The following SHANK2 variants were observed in gnomAD, a reference collection of about 807,000 sequenced individuals.
The protein encoded by SHANK2 is SH3 and multiple ankyrin repeat domains 2, also known as SH3 and multiple ankyrin repeat domains protein 2.
SHANK2 carries 43 observed loss-of-function variants against 133.7 expected under a neutral mutation model. The ratio of observed to expected loss-of-function variants is 0.32; its 90% CI spans 0.25 to 0.41. The LOEUF (loss-of-function observed/expected upper bound fraction) is 0.41. Ranked by LOEUF, SHANK2 falls within the 10% of genes least tolerant of loss-of-function variation. The probability of loss-of-function intolerance (pLI) is 1.00; values close to 1 mark genes in which losing one functional copy is unlikely to be tolerated. For synonymous variants in SHANK2, 1,017 were observed against 952.8 expected (o/e 1.07, Z -1.24); for missense variants, 1,994 against 2,235.8 (o/e 0.89, Z 2.18).
intron 17 of SHANK2, among the ~76,000 whole-genome samples, chr11:70,584,530 G>A (rs540860080): frequency 9.9e-5 from 15 of 152,226 alleles, no homozygotes; most frequent in African/African-American, 3.6e-4. Flanking sequence ...ATCACCCCAG[G>A]GCTGGGTACC....
At chr11:71,085,001 G>T (rs1951359189) in intron 8 of SHANK2, among the ~76,000 whole-genome samples, 1 of 152,016 alleles carries the variant, frequency 6.6e-6, no homozygotes, top group Non-Finnish European at 1.5e-5. Context: ...TCTGTCATGT[G>T]CCTGGGTTTG....
rs576676415 is a variant in SHANK2, at chr11:70,751,226, C to G, written c.1777+47217G>C. ...AGCTCAAAAAATCCATTCCCAGACA[C>G]GTCCAAATCAAATTGCTGAAGACTA... On this transcript the variant is annotated intron_variant, in intron 14 of 25. Coordinates refer to ENST00000601538, the MANE Select transcript of SHANK2 (RefSeq NM_012309.5). Among the ~76,000 whole-genome samples the G allele has an allele frequency of 9.8e-4, 149 of 152,240 alleles. 1 individual carries two copies. The highest frequency in any genetic ancestry group is 5.4e-4 in the Non-Finnish European group (37 of 68,018).
intron 10 of SHANK2, chr11:70,910,911 TGTGC>T: frequency 2.2e-6 from 1 of 450,192 alleles, no homozygotes; most frequent in African/African-American, 2.0e-5. Context: ...TGTGTGTGTG[TGTGC>T]GCGTGCATGT....
intron 14 of SHANK2, among the ~76,000 whole-genome samples, chr11:70,710,396 A>T (rs1945757785): frequency 6.6e-6 from 1 of 152,186 alleles, no homozygotes; most frequent in Non-Finnish European, 1.5e-5. Context: ...ATGGGGTAGG[A>T]GGGAAGCTTA....
intron 22 of SHANK2, among the ~76,000 whole-genome samples, chr11:70,491,444 T>C (rs2058885826): frequency 6.6e-6 from 1 of 152,190 alleles, no homozygotes; most frequent in African/African-American, 2.4e-5. Flanking sequence ...AGTCCCCTTG[T>C]GGAGTTCAGA....
At chr11:70,729,502 G>A (rs1946239319) in intron 14 of SHANK2, among the ~76,000 whole-genome samples, 1 of 151,792 alleles carries the variant, frequency 6.6e-6, no homozygotes, top group Non-Finnish European at 1.5e-5. Flanking sequence ...ATGTACTCAT[G>A]CCACTGCACT....
At position 71,093,056 on chromosome 11, in the gene SHANK2, G is replaced by C. The variant is rs937089721; in HGVS notation, c.745-467C>G. Among the ~76,000 whole-genome samples, 254 of 145,768 alleles carry C rather than the reference G, an allele frequency of 1.7e-3. 7 individuals carry two copies. Among genetic ancestry groups the C allele is most frequent in the African/African-American group, 6.2e-3 (248 of 40,094 alleles). On this transcript the variant is annotated intron_variant, in intron 7 of 25. Transcript: ENST00000601538. ...AAGCTCAGTCTCAAAAATAAAGGGG[G>C]GGGGGGGCAGGTATAACTTTAGACA... is the stretch of plus-strand genomic sequence containing the variant.
intron 17 of SHANK2, among the ~76,000 whole-genome samples, chr11:70,644,187 A>T (rs945908855): frequency 1.3e-5 from 2 of 152,238 alleles, no homozygotes; most frequent in Non-Finnish European, 2.9e-5. Flanking sequence ...GACACAAAGC[A>T]TAAAATTTGC....
chr11:70,725,347 T>C (rs1555030376), intron 14 of SHANK2, among the ~76,000 whole-genome samples: 3 of 152,248 alleles, frequency 2.0e-5, no homozygotes, highest in East Asian at 1.9e-4. Context: ...ATTTGCGGAC[T>C]CTTAAAAGCT....
At chr11:70,892,930 T>A (rs1332278501) in intron 11 of SHANK2, among the ~76,000 whole-genome samples, 3 of 152,188 alleles carry the variant, frequency 2.0e-5, no homozygotes, top group African/African-American at 7.2e-5. Flanking sequence ...AACACATGTG[T>A]ACAGCTGGTG....
At chr11:70,911,767 A>T (rs565256407) in intron 10 of SHANK2, among the ~76,000 whole-genome samples, 1 of 152,160 alleles carries the variant, frequency 6.6e-6, no homozygotes, top group East Asian at 1.9e-4. Context: ...CCCCAAAATG[A>T]CAAGAGTGAG....
At chr11:70,803,650 G>A (rs1044570853) in intron 13 of SHANK2, among the ~76,000 whole-genome samples, 6 of 152,060 alleles carry the variant, frequency 3.9e-5, no homozygotes, top group African/African-American at 1.4e-4. Context: ...CTCAGATGCA[G>A]GGACTTCGGG....
chr11:71,227,272 AG>A (rs1555122376), intron 1 of SHANK2, among the ~76,000 whole-genome samples: 1 of 152,206 alleles, frequency 6.6e-6, no homozygotes, highest in Non-Finnish European at 1.5e-5. Flanking sequence ...ACCAGTTAAA[AG>A]ACAGAGATTG....
chr11:70,846,552 G>A (rs189558412), intron 11 of SHANK2, among the ~76,000 whole-genome samples: 5 of 152,084 alleles, frequency 3.3e-5, no homozygotes, highest in Admixed American at 6.6e-5. Flanking sequence ...TGCTGCGCTC[G>A]GCCTCATCTG....
At chr11:71,090,270 TGTG>T (rs1951486331) in intron 8 of SHANK2, among the ~76,000 whole-genome samples, 1 of 122,362 alleles carries the variant, frequency 8.2e-6, no homozygotes, top group Admixed American at 8.0e-5. Context: ...CCTCTGTGTG[TGTG>T]TGTGTGTGTG....
intron 17 of SHANK2, among the ~76,000 whole-genome samples, chr11:70,613,763 G>GT (rs57180024): frequency 2.4e-5 from 3 of 123,768 alleles, no homozygotes; most frequent in Admixed American, 9.3e-5. Flanking sequence ...AGGGGAACTT[G>GT]TTTTTTTTTT....
chr11:70,827,587 T>G (rs930180155), intron 11 of SHANK2, among the ~76,000 whole-genome samples: 1 of 150,814 alleles, frequency 6.6e-6, no homozygotes, highest in Non-Finnish European at 1.5e-5. Flanking sequence ...AAGGTTCTGT[T>G]GCCGGATGCC....
intron 17 of SHANK2, among the ~76,000 whole-genome samples, chr11:70,573,065 C>T (rs533848041): frequency 2.0e-5 from 3 of 152,168 alleles, no homozygotes; most frequent in African/African-American, 7.2e-5. Context: ...CTCGGCAACG[C>T]GAAGGAACGG....
intron 17 of SHANK2, among the ~76,000 whole-genome samples, chr11:70,529,862 A>T (rs1554972848): frequency 6.6e-6 from 1 of 152,204 alleles, no homozygotes; most frequent in East Asian, 1.9e-4. Context: ...ACCAGGCATC[A>T]GTCTTCTGTT....
Sources: allele counts gnomAD v4.1 joint callset (sites outside exome capture counted in the v4.1 genomes callset), GRCh38; gene constraint gnomAD v4.1.1; transcripts MANE v1.5; gene names NCBI Gene and HGNC (gene_info 2026-07-23, HGNC 2026-07-21).